PIAS4: variants seen among roughly 807,000 people sequenced by gnomAD.
PIAS4 encodes the protein protein inhibitor of activated STAT 4.
In PIAS4, 7 loss-of-function variants were observed where a neutral mutation model predicts 58.0. The observed-to-expected ratio is 0.12, with a 90% confidence interval of 0.07 to 0.23. The LOEUF is 0.23. PIAS4 is among the 10% of genes least tolerant of loss of function. The pLI, the probability that PIAS4 is intolerant of heterozygous loss-of-function variation, is 1.00. For missense variants in PIAS4, 550 were observed against 709.5 expected (o/e 0.78, Z 2.55); for synonymous variants, 364 against 312.4 (o/e 1.17, Z -1.74).
rs1003081296 is a variant in PIAS4, at chr19:4,036,589, G to A, written c.1143-785G>A. 2.9e-4 allele frequency among the ~76,000 whole-genome samples: 35 copies of A among 119,674 alleles called. 2 individuals carry two copies. Among genetic ancestry groups the A allele is most frequent in the African/African-American group, 8.9e-4 (26 of 29,134 alleles). The allele number at this position is 119,674 out of a possible 152,430, so 78.5% of individuals were successfully genotyped here. A position where few individuals can be genotyped will look rare whatever the true frequency, so the allele number is the denominator to read the frequency against. On this transcript the variant is annotated intron_variant, in intron 9 of 10. Transcript: ENST00000262971. ...GTCACACATCCATACAGTCCACACC[G>A]TCATACACACACACATCTATACAGT...
intron 3 of PIAS4, 27 bp downstream of exon 3, chr19:4,024,147 AC>A: frequency 6.4e-7 from 1 of 1,556,338 alleles, no homozygotes; most frequent in Non-Finnish European, 8.9e-7. Context: ...CCAGCCCAGC[AC>A]CCCACCGCCC....
intron 9 of PIAS4, among the ~76,000 whole-genome samples, chr19:4,036,974 C>A (rs8104607): frequency 6.6e-6 from 1 of 152,200 alleles, no homozygotes; most frequent in Admixed American, 6.6e-5. Flanking sequence ...TGCACACACA[C>A]GCACATGCTC....
intron 1 of PIAS4, among the ~76,000 whole-genome samples, chr19:4,010,422 C>G (rs375178199): frequency 6.6e-6 from 1 of 152,246 alleles, no homozygotes; most frequent in Non-Finnish European, 1.5e-5. Flanking sequence ...CACATGACAT[C>G]GTCTCTCCCT....
chr19:4,008,610 C>G (rs1156261583), intron 1 of PIAS4, among the ~76,000 whole-genome samples: 2 of 152,094 alleles, frequency 1.3e-5, no homozygotes, highest in Non-Finnish European at 2.9e-5. Context: ...AAATCCTGGA[C>G]TGTGCTTTGG....
chr19:4,035,971 CA>C (rs2040275428), intron 9 of PIAS4, among the ~76,000 whole-genome samples: 5 of 3,534 alleles, frequency 1.4e-3, no homozygotes, highest in East Asian at 8.3e-3. Context: ...ATACAGTCCA[CA>C]CCGTCATACA....
chr19:4,036,172 ACAC>A lies in PIAS4; in HGVS notation c.1143-1201_1143-1199del, dbSNP rs2144945198. Among the ~76,000 whole-genome samples, 2 of 115,964 alleles carry A rather than the reference ACAC, an allele frequency of 1.7e-5. 1 individual carries two copies. The highest frequency in any genetic ancestry group is 7.0e-4 in the East Asian group (2 of 2,856). 76.1% of individuals were successfully genotyped at this position (115,964 alleles called of 152,430 possible). ...AGTCCACACCGTCATACAAACACAC[ACAC>A]ATCTATACAGTCCACACCGTCACAC... On this transcript the variant is annotated intron_variant, in intron 9 of 10. Transcript: ENST00000262971.
chr19:4,008,800 A>G (rs895569669), intron 1 of PIAS4, among the ~76,000 whole-genome samples: 1 of 146,312 alleles, frequency 6.8e-6, no homozygotes, highest in Admixed American at 6.9e-5. Flanking sequence ...CACAGCCCCC[A>G]GAACTTTTAT....
chr19:4,024,846 A>AC (rs2040146668), intron 3 of PIAS4, among the ~76,000 whole-genome samples: 1 of 151,824 alleles, frequency 6.6e-6, no homozygotes. Flanking sequence ...GCTTCCTGCA[A>AC]CCTCCACCTG....
intron 7 of PIAS4, among the ~76,000 whole-genome samples, chr19:4,029,517 G>A (rs551393848): frequency 1.4e-4 from 21 of 152,234 alleles, no homozygotes; most frequent in Non-Finnish European, 2.1e-4. Flanking sequence ...CTGACCTCAC[G>A]TTGGTGAGGC....
rs545544371 is a variant in PIAS4 at position 4,009,211 on chromosome 19, C to T, written c.27+1424C>T. The stretch of plus-strand genomic sequence containing the variant: ...ACGTATCTTCTTCTCGGTCCTCTCA[C>T]ATTACCCCCTGGGATCTGAAAACAC... On this transcript the variant is annotated intron_variant, in intron 1 of 10. Coordinates refer to ENST00000262971, the MANE Select transcript of PIAS4 (RefSeq NM_015897.4). 7.9e-5 allele frequency among the ~76,000 whole-genome samples: 12 copies of T among 152,258 alleles called. No homozygotes were observed. The South Asian group carries it at 2.5e-3, about 32-fold the overall frequency.
chr19:4,020,778 T>C (rs1205780161), intron 2 of PIAS4, among the ~76,000 whole-genome samples: 1 of 151,972 alleles, frequency 6.6e-6, no homozygotes, highest in Non-Finnish European at 1.5e-5. Context: ...TTTAAAAACT[T>C]TTTTTAGAGA....
At chr19:4,026,209 T>C (rs1314046133) in intron 3 of PIAS4, among the ~76,000 whole-genome samples, 1 of 146,706 alleles carries the variant, frequency 6.8e-6, no homozygotes, top group Non-Finnish European at 1.5e-5. Context: ...GTCGGCTCAC[T>C]GCAACTTCTG....
chr19:4,035,793 T>TCA (rs1555690152), intron 9 of PIAS4, among the ~76,000 whole-genome samples: 7 of 3,094 alleles, frequency 2.3e-3, no homozygotes, highest in African/African-American at 2.8e-3. Context: ...GTCCATACCA[T>TCA]CACACACACC....
At chr19:4,036,644 A>AC (rs1283139339) in intron 9 of PIAS4, among the ~76,000 whole-genome samples, 3 of 136,448 alleles carry the variant, frequency 2.2e-5, no homozygotes, top group East Asian at 4.0e-4. Context: ...TACAGTCCAC[A>AC]CTGTCATACA....
At chr19:4,028,101 A>C (rs2040185511) in intron 3 of PIAS4, 45 bp from the exon 4 acceptor site, 1 of 1,600,228 alleles carries the variant, frequency 6.2e-7, no homozygotes, top group African/African-American at 1.3e-5. Context: ...CGCCCTCCTC[A>C]CTCAGCTCTC....
chr19:4,037,967 C>G lies in PIAS4; in HGVS notation c.*92C>G, dbSNP rs1453062951. Reference sequence around the variant, plus strand: ...AGAGGGAGGAGTGACCTTTCTTTTTCTTTTTATTGTCGTTCGTTTTGTTTT... The same window carrying G: ...AGAGGGAGGAGTGACCTTTCTTTTTGTTTTTATTGTCGTTCGTTTTGTTTT... On this transcript the variant is annotated 3_prime_UTR_variant, in exon 11 of 11. Coordinates refer to ENST00000262971, the MANE Select transcript of PIAS4 (RefSeq NM_015897.4). This position sits in a 1 kb window ranked among gnomAD's most constrained non-coding sequence, Gnocchi z 5.8. 7.4e-7 allele frequency: 1 copy of G among 1,357,912 alleles called. No individual in the cohort carries two copies. The highest frequency in any genetic ancestry group is 1.3e-5 in the South Asian group (1 of 74,188). 84.1% of individuals were successfully genotyped at this position (1,357,912 alleles called of 1,614,324 possible). A position where few individuals can be genotyped will look rare whatever the true frequency, so the allele number is the denominator to read the frequency against.
At position 4,007,750 on chromosome 19, in the gene PIAS4, T is replaced by C. The variant is rs2039956851; in HGVS notation, c.-11T>C. On this transcript the variant is annotated 5_prime_UTR_variant, in exon 1 of 11. Coordinates refer to ENST00000262971, the MANE Select transcript of PIAS4 (RefSeq NM_015897.4). ...TGGGGGCTCCCGGCGCGGGGGACGC[T>C]GGTGACCAAGATGGCGGCGGAGCTG... 1.6e-6 allele frequency: 2 copies of C among 1,215,540 alleles called. No individual in the cohort carries two copies. The highest frequency in any genetic ancestry group is 4.1e-5 in the South Asian group (1 of 24,120). The allele number at this position is 1,215,540 out of a possible 1,614,324, so 75.3% of individuals were successfully genotyped here. A position where few individuals can be genotyped will look rare whatever the true frequency, so the allele number is the denominator to read the frequency against.
intron 3 of PIAS4, among the ~76,000 whole-genome samples, chr19:4,025,526 G>A (rs561980022): frequency 2.6e-5 from 4 of 152,140 alleles, no homozygotes; most frequent in Non-Finnish European, 5.9e-5. Context: ...GTGCCCAGCC[G>A]CTTCAGACCC....
At position 4,033,515 on chromosome 19, in the gene PIAS4, G is replaced by T; in HGVS notation, c.1077G>T (p.Lys359Asn). The T allele has an allele frequency of 1.2e-6, 2 of 1,605,974 alleles. No homozygotes were observed. Among genetic ancestry groups the T allele is most frequent in the Non-Finnish European group, 1.7e-6 (2 of 1,177,236 alleles). ...TCTTCTACCTGCAGATGAACGAGAA[G>T]AAGCCCACCTGGATGTGCCCCGTGT... ...DAVFYLQMNE[K>N]KPTWMCPVCD... The change falls in exon 9 of 11, where the codon AAG (lysine) becomes AAT (asparagine). Residue 359 changes from lysine to asparagine, a missense_variant. By Grantham distance (94) the Lys-to-Asn change is moderately conservative. This residue lies in a region of PIAS4 where 225 missense variants were observed against 345.8 expected (regional missense o/e 0.65). Transcript: ENST00000262971.
Sources: allele counts gnomAD v4.1 joint callset (sites outside exome capture counted in the v4.1 genomes callset), GRCh38; gene constraint gnomAD v4.1.1; regional missense constraint gnomAD v4.1.1; non-coding constraint Gnocchi (gnomAD v3.1); transcripts MANE v1.5; gene names NCBI Gene and HGNC (gene_info 2026-07-23, HGNC 2026-07-21).